Variants in OXR1 observed in about 807,000 individuals in gnomAD.
OXR1 encodes oxidation resistance protein 1.
Under a neutral mutation model 104.6 loss-of-function variants are expected in OXR1, and 41 were observed. The observed-to-expected ratio is 0.39, with a 90% CI of 0.31 to 0.51. The LOEUF is 0.51. OXR1 is among the 20% of genes least tolerant of loss of function. The pLI is 0.77. For missense variants in OXR1, 955 were observed against 1,031.9 expected (o/e 0.93, Z 1.02); for synonymous variants, 348 against 348.4 (o/e 1.00, Z 0.01).
chr8:106,529,769 T>C (rs1813953265), intron 3 of OXR1, among the ~76,000 whole-genome samples: 1 of 152,220 alleles, frequency 6.6e-6, no homozygotes, highest in Non-Finnish European at 1.5e-5. Flanking sequence ...GTTTTGGTAT[T>C]ATGTCTGAGC....
chr8:106,302,219 A>T (rs1280210982), intron 1 of OXR1, among the ~76,000 whole-genome samples: 1 of 152,170 alleles, frequency 6.6e-6, no homozygotes, highest in African/African-American at 2.4e-5. Flanking sequence ...TTTGAATTCA[A>T]CAATTTGTTT....
rs1400978344 is a variant in OXR1, at chr8:106,671,653, T to A, written c.221-7557T>A. 4.0e-5 allele frequency among the ~76,000 whole-genome samples: 6 copies of A among 151,836 alleles called. No individual in the cohort carries two copies. In the East Asian group the frequency reaches 1.2e-3, roughly 30 times the overall value. ...TTATGCAGCCATAAAAAATGATGAG[T>A]TCATGTCCTTTGCAGGGACATGGAT... On this transcript the variant is annotated intron_variant, in intron 3 of 16. Coordinates refer to ENST00000517566, the MANE Select transcript of OXR1 (RefSeq NM_001198533.2).
intron 8 of OXR1, among the ~76,000 whole-genome samples, chr8:106,705,481 T>C (rs1364569802): frequency 6.6e-6 from 1 of 152,184 alleles, no homozygotes; most frequent in Non-Finnish European, 1.5e-5. Context: ...CCAATTATTT[T>C]TGTGTTGACT....
intron 3 of OXR1, among the ~76,000 whole-genome samples, chr8:106,650,585 C>T (rs906119057): frequency 1.3e-5 from 2 of 152,124 alleles, no homozygotes; most frequent in Non-Finnish European, 2.9e-5. Context: ...GAAACAGGTC[C>T]TTTTTAACTT....
intron 11 of OXR1, among the ~76,000 whole-genome samples, 164 bp downstream of exon 11, chr8:106,714,149 G>T (rs897761447): frequency 6.6e-6 from 1 of 151,960 alleles, no homozygotes; most frequent in African/African-American, 2.4e-5. Context: ...AATCTGAATA[G>T]TGACTTTAAT....
intron 1 of OXR1, among the ~76,000 whole-genome samples, chr8:106,286,101 C>G (rs1258173347): frequency 1.3e-5 from 2 of 152,082 alleles, no homozygotes; most frequent in Admixed American, 6.6e-5. Context: ...TGACCTTATT[C>G]CCTGGGATTT....
intron 3 of OXR1, among the ~76,000 whole-genome samples, chr8:106,671,112 A>G (rs1423156689): frequency 2.0e-5 from 3 of 150,776 alleles, no homozygotes; most frequent in South Asian, 2.1e-4. Context: ...TTCAGATTCA[A>G]GCATCCCTAT....
chr8:106,356,039 G>A (rs1815954250), intron 1 of OXR1, among the ~76,000 whole-genome samples: 1 of 152,158 alleles, frequency 6.6e-6, no homozygotes, highest in Admixed American at 6.5e-5. Flanking sequence ...TTAAGTGCTG[G>A]ATTGAGCTTG....
intron 16 of OXR1, 23 bp from the exon 17 acceptor site, chr8:106,750,783 A>G: frequency 3.3e-6 from 5 of 1,521,074 alleles, no homozygotes; most frequent in Non-Finnish European, 4.5e-6. Flanking sequence ...AAATATTAAC[A>G]GATTATTATT....
intron 11 of OXR1, among the ~76,000 whole-genome samples, chr8:106,715,859 T>C (rs1355454460): frequency 5.3e-5 from 8 of 152,128 alleles, no homozygotes; most frequent in Admixed American, 6.5e-5. Flanking sequence ...TCCTCACCAG[T>C]CCTTTGACCG....
chr8:106,413,991 G>A (rs1414287017), intron 2 of OXR1, among the ~76,000 whole-genome samples: 2 of 152,068 alleles, frequency 1.3e-5, no homozygotes, highest in African/African-American at 4.8e-5. Context: ...GCCTCCCAAA[G>A]TGCTGGGATT....
In OXR1 at chr8:106,697,634, G is replaced by A. The variant is rs148890877; in HGVS notation, c.675+4757G>A. 535 of 1,613,686 alleles carry A rather than the reference G, an allele frequency of 3.3e-4. 6 individuals are homozygous for A. In the African/African-American group the frequency reaches 5.8e-3, roughly 17 times the overall value. ...AACCCACCCAGATTCCTCAGCGTCC[G>A]CTGCACACAGGCCATGTTCTTTCCT... On this transcript the variant is annotated intron_variant, in intron 7 of 16. Transcript: ENST00000517566.
intron 1 of OXR1, among the ~76,000 whole-genome samples, chr8:106,337,668 C>G (rs1185468432): frequency 6.6e-6 from 1 of 152,184 alleles, no homozygotes; most frequent in Non-Finnish European, 1.5e-5. Context: ...TCTTAAGTAT[C>G]TCAGAGTTTC....
chr8:106,334,497 G>A (rs765133322), intron 1 of OXR1, among the ~76,000 whole-genome samples: 4 of 152,194 alleles, frequency 2.6e-5, no homozygotes, highest in Admixed American at 6.5e-5. Flanking sequence ...ATCCTTTCTC[G>A]TTCCTGATCT....
At chr8:106,518,131 C>A (rs923085765) in intron 2 of OXR1, among the ~76,000 whole-genome samples, 4 of 152,148 alleles carry the variant, frequency 2.6e-5, no homozygotes, top group East Asian at 3.9e-4. Context: ...AAGTATGAAA[C>A]TTTTAGGAAA....
At chr8:106,438,402 A>C (rs1003626789) in intron 2 of OXR1, among the ~76,000 whole-genome samples, 1 of 152,168 alleles carries the variant, frequency 6.6e-6, no homozygotes, top group Admixed American at 6.6e-5. Context: ...AAAATGCAAA[A>C]TATCTCAATC....
chr8:106,535,844 G>A (rs1814473010), intron 3 of OXR1, among the ~76,000 whole-genome samples: 1 of 152,106 alleles, frequency 6.6e-6, no homozygotes, highest in Non-Finnish European at 1.5e-5. Context: ...ATTAGTGTGT[G>A]TCATTCATTC....
chr8:106,452,860 A>G lies in OXR1; in HGVS notation c.24-66083A>G, dbSNP rs186241108. 1.2e-4 allele frequency among the ~76,000 whole-genome samples: 18 copies of G among 151,826 alleles called. 1 individual carries two copies. In the East Asian group the frequency reaches 3.5e-3, roughly 29 times the overall value. ...TAAAATGAAACATAGGCAATCCTTT[A>G]GTGGATCTGTCCTGTTTTAGGACTA... On this transcript the variant is annotated intron_variant, in intron 2 of 16. Transcript: ENST00000517566.
chr8:106,477,383 AATT>A (rs1821863142), intron 2 of OXR1, among the ~76,000 whole-genome samples: 1 of 151,972 alleles, frequency 6.6e-6, no homozygotes, highest in Admixed American at 6.6e-5. Context: ...GTGGGTACAA[AATT>A]ATTATAGTAG....
Sources: gnomAD v4.1 joint callset for allele counts (sites outside exome capture counted in the v4.1 genomes callset) on GRCh38, gnomAD v4.1.1 for gene constraint, MANE v1.5 for transcripts, NCBI Gene and HGNC (gene_info 2026-07-23, HGNC 2026-07-21) for gene names.